Variants in ZNF148 observed in about 807,000 individuals in gnomAD.
ZNF148 encodes the protein Beta-Enolase Repressor Factor-1.
Under a neutral mutation model 67.7 loss-of-function variants are expected in ZNF148, and 7 were observed. That is an observed-to-expected ratio of 0.10 (90% CI 0.06 to 0.19). The LOEUF is 0.19. Among genes scored for constraint, ZNF148 ranks in the 10% least tolerant of loss-of-function variants. The pLI, the probability that ZNF148 is intolerant of heterozygous loss-of-function variation, is 1.00. For synonymous variants in ZNF148, 333 were observed against 330.7 expected (o/e 1.01, Z -0.08); for missense variants, 583 against 947.1 (o/e 0.62, Z 5.05).
intron 1 of ZNF148, among the ~76,000 whole-genome samples, chr3:125,332,714 T>G (rs1034911729): frequency 1.3e-5 from 2 of 152,162 alleles, no homozygotes; most frequent in Non-Finnish European, 2.9e-5. Flanking sequence ...TGTGTATAAA[T>G]ACTGCCTGCC....
At chr3:125,235,590 C>T (rs1438892956) in intron 7 of ZNF148, among the ~76,000 whole-genome samples, 1 of 152,150 alleles carries the variant, frequency 6.6e-6, no homozygotes, top group Non-Finnish European at 1.5e-5. Context: ...TCTTCTATGG[C>T]ACTCAGTACT....
chr3:125,331,108 C>T (rs1559761907), intron 2 of ZNF148, 50 bp downstream of exon 2: 2 of 398,316 alleles, frequency 5.0e-6, no homozygotes, highest in Admixed American at 4.4e-5. Flanking sequence ...GTAACATGGG[C>T]ATCCATTACA....
chr3:125,279,242 A>C lies in ZNF148; in HGVS notation c.465T>G (p.Leu155=). ...KRKQRSPAKI[L]TINEDGSLGL... Reference sequence around the variant, plus strand: ...CAAGTGATCCATCCTCATTTATTGTAAGGATCTAGTTCAAAAAAAAAAAGG... The same window carrying C: ...CAAGTGATCCATCCTCATTTATTGTCAGGATCTAGTTCAAAAAAAAAAAGG... The change falls in exon 6 of 9, where the codon CTT becomes CTG. Residue 155 remains leucine, a synonymous_variant. Transcript: ENST00000360647. 6.5e-7 allele frequency: 1 copy of C among 1,534,612 alleles called. No homozygotes were observed. The highest frequency in any genetic ancestry group is 8.7e-7 in the Non-Finnish European group (1 of 1,144,266).
intron 7 of ZNF148, among the ~76,000 whole-genome samples, chr3:125,255,238 T>A (rs998056675): frequency 6.3e-5 from 1 of 15,866 alleles, no homozygotes; most frequent in African/African-American, 5.4e-4. Flanking sequence ...TCCACCTGCT[T>A]TTTTTTTTTT....
chr3:125,317,716 T>A (rs201251827), intron 3 of ZNF148, among the ~76,000 whole-genome samples: 39,013 of 127,016 alleles, frequency 0.31, 5,803 homozygotes, highest in Non-Finnish European at 0.33. Flanking sequence ...TATATATATT[T>A]TTTTTTTTTT....
At chr3:125,239,910 A>G (rs182836069) in intron 7 of ZNF148, among the ~76,000 whole-genome samples, 1 of 152,338 alleles carries the variant, frequency 6.6e-6, no homozygotes, top group Admixed American at 6.5e-5. Context: ...ATTAATGGTG[A>G]CCCAGGGCTG....
chr3:125,331,218 C>T lies in ZNF148; in HGVS notation c.-213G>A. The T allele has an allele frequency of 2.5e-6, 1 of 398,540 alleles. No individual in the cohort carries two copies. The highest frequency in any genetic ancestry group is 3.6e-5 in the East Asian group (1 of 28,070). The allele number at this position is 398,540 out of a possible 1,614,324, so 24.7% of individuals were successfully genotyped here. A position where few individuals can be genotyped will look rare whatever the true frequency, so the allele number is the denominator to read the frequency against. ...CAGATCACGTGCTTGAATTTCCAAG[C>T]TGCTGATTCCTCCCTCTATCCTACA... On this transcript the variant is annotated 5_prime_UTR_variant, in exon 2 of 9. Coordinates refer to ENST00000360647, the MANE Select transcript of ZNF148 (RefSeq NM_021964.3).
chr3:125,306,031 G>T (rs536285169), intron 4 of ZNF148, among the ~76,000 whole-genome samples: 1 of 152,002 alleles, frequency 6.6e-6, no homozygotes, highest in East Asian at 1.9e-4. Flanking sequence ...ATGATGAAAA[G>T]ATATCTGGAA....
intron 1 of ZNF148, among the ~76,000 whole-genome samples, chr3:125,365,382 G>C (rs1201091942): frequency 6.6e-6 from 1 of 152,084 alleles, no homozygotes. Flanking sequence ...CACAGTCCAC[G>C]TATTTAGTTT....
chr3:125,370,661 C>T (rs555228619), intron 1 of ZNF148, among the ~76,000 whole-genome samples: 1 of 152,312 alleles, frequency 6.6e-6, no homozygotes, highest in Admixed American at 6.5e-5. Context: ...AATTATCTTT[C>T]TAATCTCCCA....
At chr3:125,337,247 T>C (rs192124733) in intron 1 of ZNF148, among the ~76,000 whole-genome samples, 1 of 152,268 alleles carries the variant, frequency 6.6e-6, no homozygotes, top group Admixed American at 6.5e-5. Flanking sequence ...TGTCCATCTA[T>C]GTTAGAAAAA....
chr3:125,297,640 C>G (rs1406419849), intron 4 of ZNF148, among the ~76,000 whole-genome samples: 5 of 148,986 alleles, frequency 3.4e-5, no homozygotes, highest in Non-Finnish European at 7.4e-5. Flanking sequence ...TGTCAATAAA[C>G]ATGAAAAGAT....
intron 3 of ZNF148, among the ~76,000 whole-genome samples, chr3:125,317,956 A>G (rs949134290): frequency 6.6e-6 from 1 of 152,070 alleles, no homozygotes; most frequent in Non-Finnish European, 1.5e-5. Flanking sequence ...TTCAAAGACA[A>G]AGTGAGTCAT....
intron 7 of ZNF148, among the ~76,000 whole-genome samples, chr3:125,265,508 A>C (rs961979020): frequency 2.6e-5 from 4 of 152,224 alleles, no homozygotes; most frequent in Admixed American, 6.5e-5. Flanking sequence ...CCTAAATATC[A>C]TTTAAGAAAA....
intron 1 of ZNF148, chr3:125,357,058 C>T (rs1942367351): frequency 6.6e-6 from 1 of 152,248 alleles, no homozygotes; most frequent in Non-Finnish European, 1.5e-5. Context: ...AAACGGGTGT[C>T]CATCATCAGC....
chr3:125,276,424 ATTTAT>A (rs1938072277), intron 7 of ZNF148, among the ~76,000 whole-genome samples: 1 of 151,536 alleles, frequency 6.6e-6, no homozygotes, highest in African/African-American at 2.4e-5. Flanking sequence ...TTATTTATTT[ATTTAT>A]TTATTTTATT....
chr3:125,300,760 CA>C (rs1315948050), intron 4 of ZNF148, among the ~76,000 whole-genome samples: 6 of 147,766 alleles, frequency 4.1e-5, no homozygotes, highest in Non-Finnish European at 8.9e-5. Context: ...TCAAGTGATA[CA>C]AAGCAATAGT....
chr3:125,290,238 G>A (rs1938933499), intron 4 of ZNF148, among the ~76,000 whole-genome samples: 2 of 152,198 alleles, frequency 1.3e-5, no homozygotes, highest in South Asian at 4.1e-4. Context: ...TTCTTCCCCA[G>A]GTTAAGACAG....
intron 1 of ZNF148, among the ~76,000 whole-genome samples, chr3:125,363,024 A>C (rs1427205414): frequency 1.3e-5 from 2 of 152,018 alleles, no homozygotes; most frequent in Non-Finnish European, 2.9e-5. Flanking sequence ...AGCCTCCTAT[A>C]ATTCTCAGCC....
Sources: allele counts gnomAD v4.1 joint callset (sites outside exome capture counted in the v4.1 genomes callset), GRCh38; gene constraint gnomAD v4.1.1; transcripts MANE v1.5; gene names NCBI Gene and HGNC (gene_info 2026-07-23, HGNC 2026-07-21).